GBP5: variants seen among roughly 807,000 people sequenced by gnomAD.
GBP5 encodes the protein guanylate binding protein 5, also known as guanylate-binding protein 5.
GBP5 carries 48 observed loss-of-function variants against 58.2 expected under a neutral mutation model. That is an observed-to-expected ratio of 0.83 (90% CI 0.65 to 1.05). The LOEUF is 1.05. GBP5 is among the 50% of genes least tolerant of loss of function. GBP5 has a pLI of 0.00. For missense variants in GBP5, 714 were observed against 686.8 expected (o/e 1.04, Z -0.44); for synonymous variants, 248 against 251.8 (o/e 0.98, Z 0.14).
At position 89,262,683 on chromosome 1, in the gene GBP5, C is replaced by T. The variant is rs746928691; in HGVS notation, c.1465G>A (p.Glu489Lys). 17 of 1,586,828 alleles carry T rather than the reference C, an allele frequency of 1.1e-5. No individual in the cohort carries two copies. The African/African-American group carries it at 1.2e-4, about 11-fold the overall frequency. ...TGCATAATTTCCACTTTCTTCTCACCTTTCTTCTTTTTTTCCGTCTCTGTG... is the reference window on the plus strand; with the variant it reads ...TGCATAATTTCCACTTTCTTCTCACTTTTCTTCTTTTTTTCCGTCTCTGTG... ...ALTETEKKKKEAQVKAEAEKA... is the reference protein window; with the variant it reads ...ALTETEKKKKKAQVKAEAEKA... Residue 489 changes from glutamate (E) to lysine (K), a missense_variant and splice_region_variant, in exon 10 of 12, where the codon GAG becomes AAG. Transcript: ENST00000370459.
rs1483909139 is a variant in GBP5, at chr1:89,262,364, C to T, written c.1503G>A (p.Ala501=). Residue 501 remains alanine, a synonymous_variant, in exon 11 of 12, where the codon GCG becomes GCA. Coordinates refer to ENST00000370459, the MANE Select transcript of GBP5 (RefSeq NM_052942.5). ...QVKAEAEKAE[A]QRLAAIQRQN... ...GCCTTTGAATCGCCGCCAACCTTTGCGCTTCAGCCTTTTCAGCTTCTGCTT... is the reference window on the plus strand; with the variant it reads ...GCCTTTGAATCGCCGCCAACCTTTGTGCTTCAGCCTTTTCAGCTTCTGCTT... The T allele has an allele frequency of 3.7e-6, 6 of 1,614,032 alleles. No individual in the cohort carries two copies. The highest frequency in any genetic ancestry group is 1.7e-5 in the Admixed American group (1 of 60,022).
Position 89,265,062 on chromosome 1 carries a change from C to G in GBP5, c.869-96G>C, listed in dbSNP as rs539719158. The G allele has an allele frequency of 3.3e-6, 4 of 1,215,966 alleles. No homozygotes were observed. The East Asian group carries it at 9.5e-5, about 29-fold the overall frequency. The allele number at this position is 1,215,966 out of a possible 1,614,324, so 75.3% of individuals were successfully genotyped here. On this transcript the variant is annotated intron_variant, in intron 7 of 11. Coordinates refer to ENST00000370459, the MANE Select transcript of GBP5 (RefSeq NM_052942.5). ...GAACGTACATTTAATAGTTGCATTGCCTGAAATTGTTTAGCATTATGGACA... is the reference window on the plus strand; with the variant it reads ...GAACGTACATTTAATAGTTGCATTGGCTGAAATTGTTTAGCATTATGGACA...
In GBP5 at chr1:89,260,548, A is replaced by G. The variant is rs1470704832; in HGVS notation, c.*156T>C. ...GGACTACTGGGATGTACATTTTACCAGATACCAGCATCATAATCTTATAAC... is the reference window on the plus strand; with the variant it reads ...GGACTACTGGGATGTACATTTTACCGGATACCAGCATCATAATCTTATAAC... On this transcript the variant is annotated 3_prime_UTR_variant, in exon 12 of 12. Transcript: ENST00000370459. 5 of 572,730 alleles carry G rather than the reference A, an allele frequency of 8.7e-6. No individual in the cohort carries two copies. Among genetic ancestry groups the G allele is most frequent in the Non-Finnish European group, 1.6e-5 (5 of 322,384 alleles). The allele number at this position is 572,730 out of a possible 1,614,324, so 35.5% of individuals were successfully genotyped here. A position where few individuals can be genotyped will look rare whatever the true frequency, so the allele number is the denominator to read the frequency against.
chr1:89,267,027 T>G lies in GBP5; in HGVS notation c.555A>C (p.Leu185Phe). The G allele has an allele frequency of 1.2e-6, 2 of 1,612,566 alleles. No homozygotes were observed. Among genetic ancestry groups the G allele is most frequent in the Non-Finnish European group, 1.7e-6 (2 of 1,179,728 alleles). ...CAAGTTGCCCATCTATTTCCAGGCC[T>G]AAGCAGAAATCTCTCAGAGTCCACA... ...DLVWTLRDFC[L>F]GLEIDGQLVT... Residue 185 changes from leucine (L) to phenylalanine (F), a missense_variant, in exon 6 of 12, where the codon TTA becomes TTC. Coordinates refer to ENST00000370459, the MANE Select transcript of GBP5 (RefSeq NM_052942.5).
rs544359636 is a variant in GBP5, at chr1:89,266,404, G to A, written c.810C>T (p.Tyr270=). 14 of 1,613,666 alleles carry A rather than the reference G, an allele frequency of 8.7e-6. No homozygotes were observed. The East Asian group carries it at 2.9e-4, about 33-fold the overall frequency. The change falls in exon 7 of 12, where the codon TAC becomes TAT. Residue 270 remains tyrosine (Y), a synonymous_variant. Coordinates refer to ENST00000370459, the MANE Select transcript of GBP5 (RefSeq NM_052942.5). ...TCTTGGTCATAGAATGGCTAAAGAT[G>A]TAGGAACAGAATTCTGTCACTTGTT... ...FVQQVTEFCS[Y]IFSHSMTKTL...
chr1:89,262,068 T>G lies in GBP5; in HGVS notation c.1647+152A>C, dbSNP rs962287076. On this transcript the variant is annotated intron_variant, in intron 11 of 11. Transcript: ENST00000370459. ...TAGATAACTTGCCTAAACCATATAC[T>G]TACTAAGAGGTGGAGCTTGGATTCA... The G allele has an allele frequency of 4.3e-5, 30 of 705,730 alleles. No homozygotes were observed. In the African/African-American group the frequency reaches 5.0e-4, roughly 12 times the overall value. The allele number at this position is 705,730 out of a possible 1,614,324, so 43.7% of individuals were successfully genotyped here. A position where few individuals can be genotyped will look rare whatever the true frequency, so the allele number is the denominator to read the frequency against.
rs761229965 is a variant in GBP5, at chr1:89,266,915, T to C, written c.625+42A>G. 4.3e-6 allele frequency: 6 copies of C among 1,404,214 alleles called. No homozygotes were observed. In the South Asian group the frequency reaches 8.1e-5, roughly 19 times the overall value. The allele number at this position is 1,404,214 out of a possible 1,614,324, so 87.0% of individuals were successfully genotyped here. Reference sequence around the variant, plus strand: ...TAAACAAAAGAGATAATTTCTTAGATTACTTTTTTAAAAATCTTTCTAAAA... The same window carrying C: ...TAAACAAAAGAGATAATTTCTTAGACTACTTTTTTAAAAATCTTTCTAAAA... On this transcript the variant is annotated intron_variant, in intron 6 of 11. Transcript: ENST00000370459.
chr1:89,262,530 CA>C lies in GBP5; in HGVS notation c.1466-130del. On this transcript the variant is annotated intron_variant, in intron 10 of 11. Transcript: ENST00000370459. ...GTTGTTTTTCCCTTCCAGGTAACCA[CA>C]ATGCAGGATCATGCCAGTCAGATAT... The C allele has an allele frequency of 4.2e-6, 4 of 943,678 alleles. No individual in the cohort carries two copies. The South Asian group carries it at 6.4e-5, about 15-fold the overall frequency. 58.5% of individuals were successfully genotyped at this position (943,678 alleles called of 1,614,324 possible).
At chr1:89,269,091 T>C (rs1650338683) in intron 3 of GBP5, among the ~76,000 whole-genome samples, 2 of 152,068 alleles carry the variant, frequency 1.3e-5, no homozygotes, top group South Asian at 4.1e-4. Flanking sequence ...TAATTATGTA[T>C]ACGGGAATTA....
Position 89,260,643 on chromosome 1 carries a change from T to C in GBP5, c.*61A>G. 2 of 978,790 alleles carry C rather than the reference T, an allele frequency of 2.0e-6. No homozygotes were observed. The highest frequency in any genetic ancestry group is 3.2e-6 in the Non-Finnish European group (2 of 618,898). The allele number at this position is 978,790 out of a possible 1,614,324, so 60.6% of individuals were successfully genotyped here. On this transcript the variant is annotated 3_prime_UTR_variant, in exon 12 of 12. Coordinates refer to ENST00000370459, the MANE Select transcript of GBP5 (RefSeq NM_052942.5). Reference sequence around the variant, plus strand: ...GTTGATTGTCCCAAGGTCTACAGTTTCTTTTCTGTTGTGTCATCAGTGACA... The same window carrying C: ...GTTGATTGTCCCAAGGTCTACAGTTCCTTTTCTGTTGTGTCATCAGTGACA...
rs1338270014 is a variant in GBP5, at chr1:89,272,469, G to C, written c.-145C>G. 5.8e-6 allele frequency: 1 copy of C among 172,550 alleles called. No individual in the cohort carries two copies. The highest frequency in any genetic ancestry group is 2.4e-5 in the African/African-American group (1 of 41,742). 10.7% of individuals were successfully genotyped at this position (172,550 alleles called of 1,614,324 possible). On this transcript the variant is annotated 5_prime_UTR_variant, in exon 1 of 12. Transcript: ENST00000370459. Reference sequence around the variant, plus strand: ...AGTCTTACCGTGTCCGGAATTGGTGGGTTCTTGGTCTCACTGACTTCAAGA... The same window carrying C: ...AGTCTTACCGTGTCCGGAATTGGTGCGTTCTTGGTCTCACTGACTTCAAGA...
In GBP5 at chr1:89,262,746, A is replaced by T; in HGVS notation, c.1402T>A (p.Ser468Thr). Residue 468 changes from serine to threonine, a missense_variant, in exon 10 of 12, where the codon TCT (serine) becomes ACT (threonine). Transcript: ENST00000370459. ...GTCTGTAATATTGCATGACTCACAGACTCCTTGGACTTTAAATATTTCTGC... is the reference window on the plus strand; with the variant it reads ...GTCTGTAATATTGCATGACTCACAGTCTCCTTGGACTTTAAATATTTCTGC... ...VLQKYLKSKE[S>T]VSHAILQTDQ... The T allele has an allele frequency of 6.3e-7, 1 of 1,577,510 alleles. No individual in the cohort carries two copies. Among genetic ancestry groups the T allele is most frequent in the Non-Finnish European group, 8.6e-7 (1 of 1,169,090 alleles).
rs1312878881 is a variant in GBP5, at chr1:89,258,724, T to C, written c.*1980A>G. Among the ~76,000 whole-genome samples the C allele has an allele frequency of 6.6e-6, 1 of 152,104 alleles. No individual in the cohort carries two copies. Among genetic ancestry groups the C allele is most frequent in the Admixed American group, 6.5e-5 (1 of 15,272 alleles). On this transcript the variant is annotated 3_prime_UTR_variant, in exon 12 of 12. Coordinates refer to ENST00000370459, the MANE Select transcript of GBP5 (RefSeq NM_052942.5). ...CTAAGTGGAAAATTCCTTATATGAG[T>C]AAGTACTTATAAGGGAGAAAAACAG...
At chr1:89,270,709 G>A (rs1650411946) in intron 2 of GBP5, 46 bp downstream of exon 2, 1 of 152,174 alleles carries the variant, frequency 6.6e-6, no homozygotes, top group Non-Finnish European at 1.5e-5. Context: ...GACTCAAATG[G>A]CAGGTCTCTT....
At chr1:89,265,975 C>T (rs1570413917) in intron 7 of GBP5, among the ~76,000 whole-genome samples, 2 of 152,304 alleles carry the variant, frequency 1.3e-5, no homozygotes, top group South Asian at 2.1e-4. Flanking sequence ...TTATCAACCA[C>T]GTTTCACTTA....
At position 89,260,674 on chromosome 1, in the gene GBP5, T is replaced by G; in HGVS notation, c.*30A>C. On this transcript the variant is annotated 3_prime_UTR_variant, in exon 12 of 12. Coordinates refer to ENST00000370459, the MANE Select transcript of GBP5 (RefSeq NM_052942.5). ...CTGTTGTGTCATCAGTGACAAAGAG[T>G]AAAAAAAGGAAACTCCCATATTTAG... 1 of 1,341,196 alleles carries G rather than the reference T, an allele frequency of 7.5e-7. No individual in the cohort carries two copies. The highest frequency in any genetic ancestry group is 1.2e-5 in the South Asian group (1 of 84,314). The allele number at this position is 1,341,196 out of a possible 1,614,324, so 83.1% of individuals were successfully genotyped here.
chr1:89,260,827 G>GAT lies in GBP5; in HGVS notation c.1648-12_1648-11dup. ...GCTGTGCAGCCTGTTCCTAAAGAGT[G>GAT]ATAAATAGAAAGTAAGATCAAGCTT... On this transcript the variant is annotated splice_polypyrimidine_tract_variant and intron_variant, in intron 11 of 11. Transcript: ENST00000370459. 1.9e-6 allele frequency: 3 copies of GAT among 1,600,228 alleles called. No homozygotes were observed. Among genetic ancestry groups the GAT allele is most frequent in the Non-Finnish European group, 2.6e-6 (3 of 1,167,832 alleles).
chr1:89,263,721 T>C lies in GBP5; in HGVS notation c.1362+15A>G. 7 of 1,582,346 alleles carry C rather than the reference T, an allele frequency of 4.4e-6. No individual in the cohort carries two copies. The highest frequency in any genetic ancestry group is 6.1e-6 in the Non-Finnish European group (7 of 1,151,784). On this transcript the variant is annotated intron_variant, in intron 9 of 11. Transcript: ENST00000370459. ...TCCCTCAGCAATTCTCCACAATAGG[T>C]AGAACTAGGGATACCTGTATTCCTT...
intron 7 of GBP5, 123 bp downstream of exon 7, chr1:89,266,223 A>G: frequency 1.3e-6 from 1 of 793,024 alleles, no homozygotes; most frequent in South Asian, 1.8e-5. Flanking sequence ...TATGATACAT[A>G]TGATTTTCAC....
Sources: gnomAD v4.1 joint callset for allele counts (sites outside exome capture counted in the v4.1 genomes callset) on GRCh38, gnomAD v4.1.1 for gene constraint, MANE v1.5 for transcripts, NCBI Gene and HGNC (gene_info 2026-07-23, HGNC 2026-07-21) for gene names.